CDK1: variants seen among roughly 807,000 people sequenced by gnomAD.
CDK1 encodes cyclin dependent kinase 1, also known as cyclin-dependent kinase 1.
A neutral mutation model predicts 34.6 loss-of-function variants in CDK1; 5 were observed. That is an observed-to-expected ratio of 0.14 (90% CI 0.08 to 0.30). CDK1 has a LOEUF of 0.30. Ranked by LOEUF, CDK1 falls within the 10% of genes least tolerant of loss-of-function variation. The pLI is 1.00. For missense variants in CDK1, 157 were observed against 345.7 expected (o/e 0.45, Z 4.33); for synonymous variants, 108 against 114.7 (o/e 0.94, Z 0.37).
intron 2 of CDK1, among the ~76,000 whole-genome samples, chr10:60,780,437 T>G (rs2080263428): frequency 6.6e-6 from 1 of 152,184 alleles, no homozygotes; most frequent in South Asian, 2.1e-4. Flanking sequence ...CTTACAGTCT[T>G]CTGATACTAA....
chr10:60,789,327 AC>A (rs1396698822), intron 5 of CDK1, among the ~76,000 whole-genome samples: 5 of 152,166 alleles, frequency 3.3e-5, no homozygotes, highest in African/African-American at 1.2e-4. Flanking sequence ...GTGCTGTAGA[AC>A]ACTAGAGCTT....
chr10:60,782,046 A>T (rs1427986890), intron 2 of CDK1, among the ~76,000 whole-genome samples: 6 of 152,254 alleles, frequency 3.9e-5, no homozygotes, highest in African/African-American at 1.4e-4. Context: ...GTGGAAATAA[A>T]TGGAGGCCTA....
intron 1 of CDK1, among the ~76,000 whole-genome samples, chr10:60,779,126 A>T (rs2132059422): frequency 6.7e-6 from 1 of 149,884 alleles, no homozygotes; most frequent in African/African-American, 2.4e-5. Flanking sequence ...GCTGTTAAGA[A>T]CAGTCAGCCC....
intron 4 of CDK1, chr10:60,786,292 CT>C (rs995481003): frequency 2.6e-5 from 25 of 979,794 alleles, no homozygotes; most frequent in Non-Finnish European, 2.4e-6. Context: ...TATTTGTAAT[CT>C]TACACTTGTA....
At chr10:60,778,394 G>A (rs1018746142), upstream of CDK1, 1 of 152,284 alleles carries the variant, frequency 6.6e-6, no homozygotes, top group African/African-American at 2.4e-5. Flanking sequence ...GCGTAGCTGG[G>A]CTCTGATTGG....
chr10:60,789,857 A>G (rs1039034492), intron 5 of CDK1, among the ~76,000 whole-genome samples: 2 of 152,226 alleles, frequency 1.3e-5, no homozygotes, highest in African/African-American at 4.8e-5. Context: ...TACTAATTTA[A>G]GAGCCCACCA....
chr10:60,778,969 C>T (rs1302545266), intron 1 of CDK1, among the ~76,000 whole-genome samples: 2 of 152,312 alleles, frequency 1.3e-5, no homozygotes, highest in East Asian at 3.9e-4. Flanking sequence ...GCGCGCCCTG[C>T]CATCCCGCCT....
intron 7 of CDK1, among the ~76,000 whole-genome samples, chr10:60,792,654 T>A (rs1315651528): frequency 6.6e-6 from 1 of 152,112 alleles, no homozygotes; most frequent in Non-Finnish European, 1.5e-5. Context: ...TGGTTGATAT[T>A]TTAAATTATT....
chr10:60,779,565 T>G (rs955722899), intron 1 of CDK1, among the ~76,000 whole-genome samples: 4 of 152,336 alleles, frequency 2.6e-5, no homozygotes, highest in Non-Finnish European at 5.9e-5. Flanking sequence ...GTCTTGAGCA[T>G]GTTTGTCTGT....
At chr10:60,781,463 G>A (rs2080272068) in intron 2 of CDK1, among the ~76,000 whole-genome samples, 1 of 152,088 alleles carries the variant, frequency 6.6e-6, no homozygotes, top group African/African-American at 2.4e-5. Flanking sequence ...CTCTGCAAAT[G>A]GTGATAATTG....
At chr10:60,783,046 A>C (rs1298190023) in intron 2 of CDK1, among the ~76,000 whole-genome samples, 1 of 152,168 alleles carries the variant, frequency 6.6e-6, no homozygotes, top group Non-Finnish European at 1.5e-5. Flanking sequence ...ATGTGACTGT[A>C]TTATGCAAGT....
chr10:60,784,699 T>C lies in CDK1; in HGVS notation c.38-6T>C, dbSNP rs757292507. On this transcript the variant is annotated splice_region_variant and splice_polypyrimidine_tract_variant and intron_variant, in intron 2 of 7. Transcript: ENST00000395284. ...GTCACACAGCATATTATTTACTTTG[T>C]TTCAGGTACCTATGGAGTTGTGTAT... The C allele has an allele frequency of 6.2e-7, 1 of 1,607,224 alleles. No homozygotes were observed. The highest frequency in any genetic ancestry group is 1.1e-5 in the South Asian group (1 of 90,686).
intron 4 of CDK1, chr10:60,786,468 T>C (rs2132069220): frequency 2.0e-6 from 1 of 493,150 alleles, no homozygotes; most frequent in Non-Finnish European, 2.6e-6. Flanking sequence ...CACTTCCATA[T>C]TGATGAACAT....
intron 3 of CDK1, 147 bp from the exon 4 acceptor site, chr10:60,785,517 G>C (rs2080308222): frequency 1.8e-6 from 1 of 559,058 alleles, no homozygotes; most frequent in Non-Finnish European, 3.2e-6. Flanking sequence ...TCTTAAATTT[G>C]AGTTTTGAGT....
intron 4 of CDK1, among the ~76,000 whole-genome samples, chr10:60,787,470 T>C (rs1447382628): frequency 1.3e-5 from 2 of 152,074 alleles, no homozygotes; most frequent in African/African-American, 2.4e-5. Flanking sequence ...AATTTCAAAC[T>C]GTAAGTCATT....
In CDK1 at chr10:60,789,084, G is replaced by A. The variant is rs142585195; in HGVS notation, c.489+854G>A. Among the ~76,000 whole-genome samples the A allele has an allele frequency of 1.7e-3, 252 of 151,982 alleles. 1 individual carries two copies. Among genetic ancestry groups the A allele is most frequent in the African/African-American group, 5.4e-3 (224 of 41,444 alleles). The stretch of plus-strand genomic sequence containing the variant: ...CTAATCTGTTATTTGACTTATTCAC[G>A]TTTTTTAAATAATTTAAAAATCATT... On this transcript the variant is annotated intron_variant, in intron 5 of 7. Coordinates refer to ENST00000395284, the MANE Select transcript of CDK1 (RefSeq NM_001786.5).
At chr10:60,786,025 G>A (rs2080312798) in intron 4 of CDK1, 2 of 1,110,142 alleles carry the variant, frequency 1.8e-6, no homozygotes. Flanking sequence ...GGTAGGTATT[G>A]TTGGAAGCTA....
intron 5 of CDK1, among the ~76,000 whole-genome samples, chr10:60,789,757 T>A (rs2080343598): frequency 3.3e-5 from 5 of 152,208 alleles, no homozygotes; most frequent in Admixed American, 1.3e-4. Flanking sequence ...ATTTTGGACA[T>A]ATACCCCCAG....
At chr10:60,782,593 A>C (rs1433109059) in intron 2 of CDK1, among the ~76,000 whole-genome samples, 4 of 152,162 alleles carry the variant, frequency 2.6e-5, no homozygotes, top group African/African-American at 9.6e-5. Context: ...TTTTCTGCTT[A>C]AGGGCCTCCA....
Sources: allele counts gnomAD v4.1 joint callset (sites outside exome capture counted in the v4.1 genomes callset), GRCh38; gene constraint gnomAD v4.1.1; transcripts MANE v1.5; gene names NCBI Gene and HGNC (gene_info 2026-07-23, HGNC 2026-07-21).